The following TMX3 variants were observed in gnomAD, a reference collection of about 807,000 sequenced individuals.
TMX3 encodes the protein thioredoxin related transmembrane protein 3.
A neutral mutation model predicts 64.4 loss-of-function variants in TMX3; 40 were observed. That is an observed-to-expected ratio of 0.62 (90% CI 0.48 to 0.81). The LOEUF is 0.81. TMX3 is among the 30% of genes least tolerant of loss of function. The pLI is 0.00. For synonymous variants in TMX3, 189 were observed against 175.7 expected, an observed-to-expected ratio of 1.08 and a Z score of -0.60; for missense variants, 497 against 534.5, an observed-to-expected ratio of 0.93 and a Z score of 0.69.
intron 2 of TMX3, among the ~76,000 whole-genome samples, chr18:68,713,226 G>T (rs1410782772): frequency 6.6e-6 from 1 of 152,128 alleles, no homozygotes; most frequent in Non-Finnish European, 1.5e-5. Context: ...TGTTTTAGCA[G>T]AAGTGCTCAG....
intron 7 of TMX3, chr18:68,697,556 T>C (rs1303155028): frequency 5.7e-6 from 2 of 349,110 alleles, no homozygotes; most frequent in Non-Finnish European, 1.0e-5. Flanking sequence ...TTTGTATGTA[T>C]TCATTTAATT....
chr18:68,706,288 G>C (rs947993333), intron 4 of TMX3: 1 of 152,278 alleles, frequency 6.6e-6, no homozygotes, highest in African/African-American at 2.4e-5. Context: ...GCACATGCCT[G>C]TAATCCCAGC....
At position 68,675,445 on chromosome 18, in the gene TMX3, G is replaced by C. The variant is rs1240669158; in HGVS notation, c.*1488C>G. On this transcript the variant is annotated 3_prime_UTR_variant, in exon 16 of 16. Transcript: ENST00000299608. ...TAAAACAATCACTAGTAATTCCTTA[G>C]TACTTAAGATGCAAGTGTCCATACA... 1 of 152,036 alleles carries C rather than the reference G, an allele frequency of 6.6e-6. No homozygotes were observed. The highest frequency in any genetic ancestry group is 1.5e-5 in the Non-Finnish European group (1 of 68,004). The allele number at this position is 152,036 out of a possible 1,614,324, so 9.4% of individuals were successfully genotyped here. A position where few individuals can be genotyped will look rare whatever the true frequency, so the allele number is the denominator to read the frequency against.
rs965082154 is a variant in TMX3, at chr18:68,677,058, T to C, written c.1240A>G (p.Lys414Glu). 8 of 1,613,900 alleles carry C rather than the reference T, an allele frequency of 5.0e-6. No individual in the cohort carries two copies. The highest frequency in any genetic ancestry group is 1.6e-4 in the Middle Eastern group (1 of 6,062). The stretch of plus-strand genomic sequence containing the variant: ...TGTTCTTGGTTTTCATTTTCACTTT[T>C]AGACACTTCATATCGTTCTTCTATA... ...GYIEERYEVS[K>E]SENENQEQIE... Residue 414 changes from lysine (K) to glutamate (E), a missense_variant, in exon 16 of 16, where the codon AAA becomes GAA. Coordinates refer to ENST00000299608, the MANE Select transcript of TMX3 (RefSeq NM_019022.5).
At chr18:68,700,515 G>A in intron 5 of TMX3, 30 bp from the exon 6 acceptor site, 1 of 1,363,628 alleles carries the variant, frequency 7.3e-7, no homozygotes, top group Non-Finnish European at 1.0e-6. Context: ...TTAAAACCTG[G>A]ATTGTTCTAA....
chr18:68,680,128 A>C (rs1215497323), intron 14 of TMX3, among the ~76,000 whole-genome samples: 1 of 152,178 alleles, frequency 6.6e-6, no homozygotes, highest in Non-Finnish European at 1.5e-5. Context: ...ATTTTCAAAA[A>C]TATTCTTAAC....
Position 68,704,081 on chromosome 18 carries a change from A to C in TMX3, c.266-2291T>G, listed in dbSNP as rs200640364. The stretch of plus-strand genomic sequence containing the variant: ...TACTTCTCTGATTCCCCTTCTGAGA[A>C]TACTACTCATCTCGTAGGGCTACAG... On this transcript the variant is annotated intron_variant, in intron 4 of 15. Coordinates refer to ENST00000299608, the MANE Select transcript of TMX3 (RefSeq NM_019022.5). 1.6e-4 allele frequency among the ~76,000 whole-genome samples: 25 copies of C among 152,266 alleles called. No individual in the cohort carries two copies. The East Asian group carries it at 3.1e-3, about 19-fold the overall frequency.
chr18:68,693,957 A>C (rs969004691), intron 8 of TMX3, among the ~76,000 whole-genome samples: 1 of 152,098 alleles, frequency 6.6e-6, no homozygotes, highest in African/African-American at 2.4e-5. Flanking sequence ...CCCCAGACTA[A>C]GCGAAACACA....
In TMX3 at chr18:68,697,927, C is replaced by A; in HGVS notation, c.492+5G>T. 1 of 1,585,390 alleles carries A rather than the reference C, an allele frequency of 6.3e-7. No individual in the cohort carries two copies. The highest frequency in any genetic ancestry group is 8.6e-7 in the Non-Finnish European group (1 of 1,158,742). On this transcript the variant is annotated splice_donor_5th_base_variant and intron_variant, in intron 7 of 15. Coordinates refer to ENST00000299608, the MANE Select transcript of TMX3 (RefSeq NM_019022.5). ...CTGTTTTTGTGGATTAAAAAAAAGT[C>A]TTACTTTCAAAGGTGATTCTCCACC...
At chr18:68,697,881 G>C (rs1186203106) in intron 7 of TMX3, 51 bp downstream of exon 7, 1 of 1,185,706 alleles carries the variant, frequency 8.4e-7, no homozygotes, top group Non-Finnish European at 1.2e-6. Context: ...TGATTATAGA[G>C]TAAATTAAAT....
chr18:68,677,219 TTCCCTTCACA>T (rs1331328126), intron 15 of TMX3, 26 bp from the exon 16 acceptor site: 3 of 1,600,324 alleles, frequency 1.9e-6, no homozygotes, highest in Non-Finnish European at 2.6e-6. Flanking sequence ...TAAAACTCAG[TTCCCTTCACA>T]TGTAATTCTG....
At chr18:68,714,808 T>C (rs1055492974) in intron 1 of TMX3, 128 bp downstream of exon 1, 2 of 1,296,710 alleles carry the variant, frequency 1.5e-6, no homozygotes, top group Admixed American at 5.4e-5. Flanking sequence ...GGCAGGACGC[T>C]GCCGGGAATG....
chr18:68,701,919 T>A, intron 4 of TMX3, 129 bp from the exon 5 acceptor site: 1 of 645,616 alleles, frequency 1.5e-6, no homozygotes, highest in Non-Finnish European at 2.6e-6. Context: ...TTTTAAGTCT[T>A]AAGATTATAA....
At chr18:68,685,638 T>C (rs969739042) in intron 10 of TMX3, among the ~76,000 whole-genome samples, 7 of 152,232 alleles carry the variant, frequency 4.6e-5, no homozygotes, top group Non-Finnish European at 8.8e-5. Flanking sequence ...TGTCAAATAA[T>C]GTACCACACA....
chr18:68,694,798 G>T (rs563831433), intron 8 of TMX3, among the ~76,000 whole-genome samples: 5 of 152,070 alleles, frequency 3.3e-5, no homozygotes, highest in Non-Finnish European at 7.4e-5. Flanking sequence ...AATCATTGTG[G>T]GGTACATAAG....
intron 6 of TMX3, among the ~76,000 whole-genome samples, chr18:68,699,077 TA>T (rs1238070559): frequency 6.6e-6 from 1 of 151,876 alleles, no homozygotes; most frequent in Non-Finnish European, 1.5e-5. Flanking sequence ...ATATGGTGTG[TA>T]TATTACAATA....
intron 8 of TMX3, among the ~76,000 whole-genome samples, chr18:68,692,732 A>G (rs1914644327): frequency 6.6e-6 from 1 of 152,292 alleles, no homozygotes; most frequent in East Asian, 1.9e-4. Flanking sequence ...AAATATTACT[A>G]TTTTCAGGAA....
At chr18:68,701,534 A>C in intron 5 of TMX3, 3 of 1,144,834 alleles carry the variant, frequency 2.6e-6, no homozygotes, top group Non-Finnish European at 3.7e-6. Context: ...CAAGCAAAAC[A>C]CGTGAATTAG....
intron 10 of TMX3, 123 bp from the exon 11 acceptor site, chr18:68,684,608 CAT>C (rs1408006753): frequency 1.3e-6 from 1 of 752,090 alleles, no homozygotes. Flanking sequence ...AATCACCCTA[CAT>C]GTTATATCAA....
Sources: gnomAD v4.1 joint callset for allele counts (sites outside exome capture counted in the v4.1 genomes callset) on GRCh38, gnomAD v4.1.1 for gene constraint, MANE v1.5 for transcripts, NCBI Gene and HGNC (gene_info 2026-07-23, HGNC 2026-07-21) for gene names.